RTCB: variants seen among roughly 807,000 people sequenced by gnomAD.
RTCB encodes the protein RNA 2',3'-cyclic phosphate and 5'-OH ligase, also known as RNA-splicing ligase RTCB.
Under a neutral mutation model 58.2 loss-of-function variants are expected in RTCB, and 32 were observed. The observed-to-expected ratio is 0.55, with a 90% CI of 0.41 to 0.74. The LOEUF is 0.74. Ranked by LOEUF, RTCB falls within the 30% of genes least tolerant of loss-of-function variation. The probability of loss-of-function intolerance (pLI) is 0.00; values close to 1 mark genes in which losing one functional copy is unlikely to be tolerated. For missense variants in RTCB, 523 were observed against 639.0 expected (o/e 0.82, Z 1.96); for synonymous variants, 247 against 218.6 (o/e 1.13, Z -1.15).
At chr22:32,402,288 C>G (rs1454492304) in intron 4 of RTCB, among the ~76,000 whole-genome samples, 1 of 152,140 alleles carries the variant, frequency 6.6e-6, no homozygotes, top group Non-Finnish European at 1.5e-5. Context: ...TAATTTTACT[C>G]CTAATTATTC....
At chr22:32,389,854 G>A (rs745941509) in intron 11 of RTCB, among the ~76,000 whole-genome samples, 1 of 152,266 alleles carries the variant, frequency 6.6e-6, no homozygotes, top group South Asian at 2.1e-4. Flanking sequence ...TTTAATCAGA[G>A]TAAAAGCAAA....
At chr22:32,398,181 A>G in intron 6 of RTCB, 81 bp from the exon 7 acceptor site, 1 of 1,444,602 alleles carries the variant, frequency 6.9e-7, no homozygotes, top group Non-Finnish European at 9.5e-7. Context: ...AAAGATAAAA[A>G]CAAACTAACA....
In RTCB at chr22:32,395,077, T is replaced by A. The variant is rs748125830; in HGVS notation, c.1128A>T (p.Gly376=). 62 of 1,614,086 alleles carry A rather than the reference T, an allele frequency of 3.8e-5. No homozygotes were observed. The highest frequency in any genetic ancestry group is 4.7e-5 in the Non-Finnish European group (56 of 1,180,038). ...GGTGAGGAGGGAAAGCGCGGGTGGA[T>A]CCCTTCCTGTGTACTAACAGTGTCC... The part of the protein sequence containing the change: ...KERTLLVHRK[G]STRAFPPHHP... Residue 376 remains glycine (G), a synonymous_variant, in exon 9 of 12, where the codon GGA becomes GGT. Transcript: ENST00000216038.
chr22:32,388,271 G>A (rs1933091472), intron 11 of RTCB, among the ~76,000 whole-genome samples, 172 bp from the exon 12 acceptor site: 1 of 151,346 alleles, frequency 6.6e-6, no homozygotes, highest in Non-Finnish European at 1.5e-5. Flanking sequence ...GTTGGTCAGT[G>A]CTGATTTCCA....
At chr22:32,404,132 G>GT (rs1437577744) in intron 4 of RTCB, among the ~76,000 whole-genome samples, 2 of 152,160 alleles carry the variant, frequency 1.3e-5, no homozygotes, top group African/African-American at 2.4e-5. Context: ...GGGAGGGCAG[G>GT]TATCTCTTTG....
intron 5 of RTCB, among the ~76,000 whole-genome samples, chr22:32,400,655 C>G (rs1933321936): frequency 6.6e-6 from 1 of 152,192 alleles, no homozygotes; most frequent in Non-Finnish European, 1.5e-5. Flanking sequence ...CATGTGAAAT[C>G]ACAGACCACG....
chr22:32,409,942 C>G (rs992874761), intron 1 of RTCB, among the ~76,000 whole-genome samples: 2 of 151,990 alleles, frequency 1.3e-5, no homozygotes, highest in African/African-American at 4.8e-5. Flanking sequence ...CTCAGCCTCC[C>G]GAGTAGCTGG....
chr22:32,406,585 T>C, intron 4 of RTCB, 77 bp downstream of exon 4: 1 of 956,466 alleles, frequency 1.0e-6, no homozygotes, highest in East Asian at 2.6e-5. Flanking sequence ...CCTCCCAAAG[T>C]GCTGGGATTA....
At position 32,395,095 on chromosome 22, in the gene RTCB, C is replaced by T; in HGVS notation, c.1110G>A (p.Leu370=). 1.9e-6 allele frequency: 3 copies of T among 1,614,176 alleles called. No homozygotes were observed. Among genetic ancestry groups the T allele is most frequent in the East Asian group, 2.2e-5 (1 of 44,882 alleles). ...GGGTGGATCCCTTCCTGTGTACTAACAGTGTCCGTTCCTTTCCGTCCACCA... is the reference window on the plus strand; with the variant it reads ...GGGTGGATCCCTTCCTGTGTACTAATAGTGTCCGTTCCTTTCCGTCCACCA... The part of the protein sequence containing the change: ...QHVVDGKERT[L]LVHRKGSTRA... The change falls in exon 9 of 12, where the codon CTG becomes CTA. Residue 370 remains leucine, a synonymous_variant. Coordinates refer to ENST00000216038, the MANE Select transcript of RTCB (RefSeq NM_014306.5).
intron 1 of RTCB, among the ~76,000 whole-genome samples, chr22:32,410,870 G>A (rs565003341): frequency 6.6e-5 from 10 of 152,156 alleles, no homozygotes; most frequent in African/African-American, 1.9e-4. Flanking sequence ...CACCCCGCCT[G>A]GCTAATTAAA....
At chr22:32,399,479 T>C (rs1301041657) in intron 6 of RTCB, 124 bp downstream of exon 6, 5 of 936,338 alleles carry the variant, frequency 5.3e-6, no homozygotes, top group Non-Finnish European at 7.9e-6. Flanking sequence ...AAATTTGTAT[T>C]TTTTGATATA....
rs529792917 is a variant in RTCB, at chr22:32,388,771, G to A, written c.1411-672C>T. 3.6e-4 allele frequency among the ~76,000 whole-genome samples: 54 copies of A among 152,044 alleles called. No homozygotes were observed. The South Asian group carries it at 0.011, about 30-fold the overall frequency. The stretch of plus-strand genomic sequence containing the variant: ...GCTTAGGCCATCCATGCTGATTCCC[G>A]TACGGTTCTGTACATAATATCCTTT... On this transcript the variant is annotated intron_variant, in intron 11 of 11. Coordinates refer to ENST00000216038, the MANE Select transcript of RTCB (RefSeq NM_014306.5).
intron 4 of RTCB, among the ~76,000 whole-genome samples, chr22:32,404,915 G>A (rs1933395605): frequency 6.6e-6 from 1 of 151,364 alleles, no homozygotes; most frequent in Non-Finnish European, 1.5e-5. Flanking sequence ...TCAAACTCCT[G>A]AGCTCAAGCC....
chr22:32,388,251 T>TA (rs768952748), intron 11 of RTCB, 152 bp from the exon 12 acceptor site: 56 of 579,538 alleles, frequency 9.7e-5, no homozygotes, highest in Non-Finnish European at 1.6e-4. Context: ...AAAAAAGAAG[T>TA]AAGCCTGATG....
chr22:32,400,437 A>T (rs1933318110), intron 5 of RTCB, among the ~76,000 whole-genome samples: 1 of 152,222 alleles, frequency 6.6e-6, no homozygotes, highest in African/African-American at 2.4e-5. Flanking sequence ...CCACTACCCC[A>T]GATGACAGCC....
chr22:32,407,910 G>A (rs936758058), intron 3 of RTCB: 7 of 418,080 alleles, frequency 1.7e-5, no homozygotes, highest in African/African-American at 1.2e-4. Context: ...ACAAGCATGT[G>A]ACATCACACC....
At chr22:32,400,058 A>T in intron 5 of RTCB, 1 of 229,910 alleles carries the variant, frequency 4.3e-6, no homozygotes. Flanking sequence ...TGCCTCTCTG[A>T]TCCTGAATTC....
intron 7 of RTCB, 39 bp downstream of exon 7, chr22:32,397,902 C>T: frequency 6.4e-7 from 1 of 1,565,486 alleles, no homozygotes; most frequent in Non-Finnish European, 8.6e-7. Context: ...ATCTGGTTGC[C>T]CATAAAATGT....
chr22:32,410,859 C>A (rs1338899467), intron 1 of RTCB, among the ~76,000 whole-genome samples: 3 of 151,980 alleles, frequency 2.0e-5, no homozygotes, highest in Admixed American at 1.3e-4. Flanking sequence ...GTGGTGCACA[C>A]CACCCCGCCT....
Sources: allele counts gnomAD v4.1 joint callset (sites outside exome capture counted in the v4.1 genomes callset), GRCh38; gene constraint gnomAD v4.1.1; transcripts MANE v1.5; gene names NCBI Gene and HGNC (gene_info 2026-07-23, HGNC 2026-07-21).